The following DMD variants were observed in gnomAD, a reference collection of about 807,000 sequenced individuals.
DMD encodes the protein mutant dystrophin.
In DMD, 63 loss-of-function variants were observed where a neutral mutation model predicts 330.1. The observed-to-expected ratio is 0.19, with a 90% CI of 0.16 to 0.24. The LOEUF is 0.24. DMD is among the 10% of genes least tolerant of loss of function. DMD has a pLI of 1.00. For missense variants in DMD, 3,344 were observed against 2,684.1 expected, an observed-to-expected ratio of 1.25 and a Z score of -5.43; for synonymous variants, 1,223 against 959.8, an observed-to-expected ratio of 1.27 and a Z score of -5.07.
chrX:33,183,687 C>T (rs189443096), intron 1 of DMD, among the ~76,000 whole-genome samples: 26 of 110,879 alleles, frequency 2.3e-4, no homozygotes, highest in Non-Finnish European at 5.7e-5. Flanking sequence ...CATCATGATC[C>T]GCGAAATCTA....
intron 2 of DMD, among the ~76,000 whole-genome samples, chrX:32,943,544 T>A (rs919599293): frequency 9.0e-6 from 1 of 111,473 alleles, no homozygotes; most frequent in East Asian, 2.8e-4. Flanking sequence ...TTTAGAGATA[T>A]ATCATTTTTT....
intron 9 of DMD, among the ~76,000 whole-genome samples, chrX:32,656,720 A>C (rs2060598094): frequency 8.9e-6 from 1 of 111,846 alleles, no homozygotes; most frequent in African/African-American, 3.2e-5. Flanking sequence ...TAACCCTTGC[A>C]TTGTAGGAAG....
rs753410642 is a variant in DMD at position 32,389,660 on chromosome X, A to G, written c.4359T>C (p.Asp1453=). 8.3e-7 allele frequency: 1 copy of G among 1,210,733 alleles called. No individual in the cohort carries two copies. ...QIDVAQKKLQ[D]VSMKFRLFQK... ...GGAATAATCGAAACTTCATGGAGAC[A>G]TCTTGTAATTTTTTCTGTAAGGACA... Residue 1453 remains aspartate (D), a synonymous_variant, in exon 32 of 79, where the codon GAT becomes GAC. Transcript: ENST00000357033.
At chrX:32,095,804 T>C (rs192502406) in intron 44 of DMD, among the ~76,000 whole-genome samples, 3 of 112,108 alleles carry the variant, frequency 2.7e-5, no homozygotes, top group Non-Finnish European at 5.6e-5. Context: ...TCATTATTAA[T>C]CATGACAACT....
At chrX:32,299,044 A>G (rs2097509875) in intron 42 of DMD, among the ~76,000 whole-genome samples, 1 of 110,397 alleles carries the variant, frequency 9.1e-6, no homozygotes, top group Non-Finnish European at 1.9e-5. Flanking sequence ...ATTTAACTAG[A>G]TAGAAATATG....
At chrX:32,863,390 G>A (rs761765043) in intron 2 of DMD, among the ~76,000 whole-genome samples, 7 of 107,482 alleles carry the variant, frequency 6.5e-5, no homozygotes, top group African/African-American at 2.1e-4. Context: ...GGTGGCACGC[G>A]CCTGAAGTCC....
chrX:32,075,846 C>T (rs752351508), intron 44 of DMD, among the ~76,000 whole-genome samples: 134 of 107,801 alleles, frequency 1.2e-3, no homozygotes, highest in Non-Finnish European at 2.2e-3. Flanking sequence ...ACCAGGAGTT[C>T]GAGACCAGCC....
chrX:33,057,494 T>C (rs1352917730), intron 1 of DMD, among the ~76,000 whole-genome samples: 1 of 112,445 alleles, frequency 8.9e-6, no homozygotes, highest in Admixed American at 9.4e-5. Flanking sequence ...AGAAGTTGAA[T>C]GCGTACTTAA....
chrX:31,227,155 C>A (rs2046690734), intron 63 of DMD, among the ~76,000 whole-genome samples: 1 of 111,135 alleles, frequency 9.0e-6, no homozygotes, highest in Admixed American at 9.6e-5. Context: ...ATTCTACCCT[C>A]TTTTCCTATT....
intron 47 of DMD, among the ~76,000 whole-genome samples, chrX:31,886,418 TTGACACTC>T (rs1460088516): frequency 8.9e-6 from 1 of 111,750 alleles, no homozygotes; most frequent in Non-Finnish European, 1.9e-5. Context: ...ATTCATCTTT[TTGACACTC>T]TTAAGATAAA....
At chrX:31,513,066 C>G (rs12851910) in intron 55 of DMD, among the ~76,000 whole-genome samples, 10 of 100,092 alleles carry the variant, frequency 1.0e-4, no homozygotes, top group East Asian at 3.1e-4. Flanking sequence ...TTGTAAGTTG[C>G]ATTCCTAGGT....
intron 2 of DMD, among the ~76,000 whole-genome samples, chrX:32,949,330 G>A (rs867350234): frequency 1.3e-5 from 1 of 77,753 alleles, no homozygotes; most frequent in Non-Finnish European, 2.5e-5. Flanking sequence ...GATTAGATAG[G>A]TAGGTAGGTA....
intron 1 of DMD, among the ~76,000 whole-genome samples, chrX:33,293,620 A>C (rs770355456): frequency 9.0e-6 from 1 of 110,927 alleles, no homozygotes; most frequent in Non-Finnish European, 1.9e-5. Context: ...GAGGATGAAA[A>C]ATTTAAACTT....
intron 2 of DMD, among the ~76,000 whole-genome samples, chrX:32,935,106 G>A (rs1178280418): frequency 1.8e-4 from 20 of 112,371 alleles, no homozygotes; most frequent in Non-Finnish European, 3.2e-4. Context: ...AGCCTCCCGA[G>A]TAGCTGGGAC....
intron 1 of DMD, among the ~76,000 whole-genome samples, chrX:33,043,415 A>G (rs1441487988): frequency 2.7e-5 from 3 of 111,718 alleles, no homozygotes; most frequent in African/African-American, 9.8e-5. Flanking sequence ...ATCTTTTTAG[A>G]ATGACTACTG....
chrX:32,258,119 A>G (rs1302847887), intron 43 of DMD, among the ~76,000 whole-genome samples: 2 of 111,709 alleles, frequency 1.8e-5, no homozygotes, highest in African/African-American at 6.5e-5. Context: ...ATGAGATACC[A>G]TCTCACACCA....
At chrX:32,297,974 G>A (rs1263611002) in intron 42 of DMD, among the ~76,000 whole-genome samples, 3 of 110,761 alleles carry the variant, frequency 2.7e-5, no homozygotes, top group Non-Finnish European at 3.8e-5. Flanking sequence ...AGTGATTATG[G>A]CTGGAGTGTA....
At chrX:32,087,638 G>T (rs2096448969) in intron 44 of DMD, among the ~76,000 whole-genome samples, 1 of 112,144 alleles carries the variant, frequency 8.9e-6, no homozygotes, top group South Asian at 3.7e-4. Flanking sequence ...TCTAGACTAA[G>T]AGCAGTCTCA....
Position 31,314,754 on chromosome X carries a change from G to C in DMD, c.9224+8844C>G, listed in dbSNP as rs903528612. 3.0e-3 allele frequency among the ~76,000 whole-genome samples: 314 copies of C among 103,632 alleles called. 3 individuals carry two copies. Among genetic ancestry groups the C allele is most frequent in the South Asian group, 0.012 (27 of 2,167 alleles). 90.0% of individuals were successfully genotyped at this position (103,632 alleles called of 115,157 possible). ...AAGAATACATACACAGAGAGAGAGAGAGAGAGAGAGAGAGAGAGAGAGAGA... is the reference window on the plus strand; with the variant it reads ...AAGAATACATACACAGAGAGAGAGACAGAGAGAGAGAGAGAGAGAGAGAGA... On this transcript the variant is annotated intron_variant, in intron 62 of 78. Coordinates refer to ENST00000357033, the MANE Select transcript of DMD (RefSeq NM_004006.3).
Sources: allele counts gnomAD v4.1 joint callset (sites outside exome capture counted in the v4.1 genomes callset), GRCh38; gene constraint gnomAD v4.1.1; transcripts MANE v1.5; gene names NCBI Gene and HGNC (gene_info 2026-07-23, HGNC 2026-07-21).